FSTL5: variants seen among roughly 807,000 people sequenced by gnomAD.
FSTL5 encodes the protein follistatin-related protein 5.
In FSTL5, 62 loss-of-function variants were observed where a neutral mutation model predicts 89.1. That is an observed-to-expected ratio of 0.70 (90% CI 0.57 to 0.86). The LOEUF (loss-of-function observed/expected upper bound fraction) is 0.86. Among genes scored for constraint, FSTL5 ranks in the 40% least tolerant of loss-of-function variants. FSTL5 has a pLI of 0.00. For missense variants in FSTL5, 1,057 were observed against 1,001.6 expected (o/e 1.06, Z -0.75); for synonymous variants, 383 against 346.2 (o/e 1.11, Z -1.18).
intron 4 of FSTL5, among the ~76,000 whole-genome samples, chr4:161,859,886 TAAC>T (rs897883698): frequency 6.6e-6 from 1 of 152,142 alleles, no homozygotes; most frequent in African/African-American, 2.4e-5. Flanking sequence ...GAAGATCAGA[TAAC>T]AATTAAATTA....
At chr4:161,733,512 G>C (rs995504244) in intron 6 of FSTL5, among the ~76,000 whole-genome samples, 1 of 151,860 alleles carries the variant, frequency 6.6e-6, no homozygotes, top group Non-Finnish European at 1.5e-5. Context: ...CACTATCAAA[G>C]CTTTTGTACT....
At chr4:161,411,170 A>G (rs549450810) in intron 15 of FSTL5, among the ~76,000 whole-genome samples, 1 of 152,302 alleles carries the variant, frequency 6.6e-6, no homozygotes, top group East Asian at 1.9e-4. Context: ...ACCAATATCA[A>G]CTTCTGAAAT....
intron 6 of FSTL5, among the ~76,000 whole-genome samples, chr4:161,685,243 T>A (rs1318507633): frequency 1.3e-5 from 2 of 152,132 alleles, no homozygotes; most frequent in African/African-American, 4.8e-5. Context: ...ACTTTTTTGG[T>A]CCATATGAAT....
At chr4:162,075,705 A>T (rs1382553573) in intron 2 of FSTL5, among the ~76,000 whole-genome samples, 1 of 151,806 alleles carries the variant, frequency 6.6e-6, no homozygotes, top group Non-Finnish European at 1.5e-5. Context: ...AGAAAGCTTA[A>T]TTTTTTCCTT....
chr4:161,749,110 G>A (rs1740304928), intron 6 of FSTL5, among the ~76,000 whole-genome samples: 1 of 152,138 alleles, frequency 6.6e-6, no homozygotes, highest in Non-Finnish European at 1.5e-5. Flanking sequence ...ATGGAAAGCA[G>A]TATGGAGATA....
intron 3 of FSTL5, among the ~76,000 whole-genome samples, chr4:161,981,746 T>A (rs552092811): frequency 6.6e-6 from 1 of 152,334 alleles, no homozygotes; most frequent in African/African-American, 2.4e-5. Flanking sequence ...TTGCCTTCAA[T>A]TTAATATTTT....
At chr4:161,871,501 C>T (rs1732261326) in intron 4 of FSTL5, among the ~76,000 whole-genome samples, 1 of 152,048 alleles carries the variant, frequency 6.6e-6, no homozygotes, top group Admixed American at 6.6e-5. Context: ...ACCCGGCAAA[C>T]CAAATAGGTA....
chr4:161,688,699 G>A (rs999234355), intron 6 of FSTL5, among the ~76,000 whole-genome samples: 2 of 152,026 alleles, frequency 1.3e-5, no homozygotes, highest in Non-Finnish European at 2.9e-5. Flanking sequence ...TAGTTAATAT[G>A]TTTTTATGGA....
intron 15 of FSTL5, among the ~76,000 whole-genome samples, chr4:161,413,695 G>A (rs1731676381): frequency 6.6e-6 from 1 of 152,092 alleles, no homozygotes; most frequent in African/African-American, 2.4e-5. Context: ...ATGATAGATT[G>A]GATAAATTAA....
chr4:161,994,894 C>T (rs1318782113), intron 3 of FSTL5, among the ~76,000 whole-genome samples: 1 of 152,096 alleles, frequency 6.6e-6, no homozygotes, highest in African/African-American at 2.4e-5. Context: ...TAATTAGATC[C>T]CATTTGTCAA....
At chr4:161,803,844 C>A (rs1729875565) in intron 4 of FSTL5, among the ~76,000 whole-genome samples, 1 of 152,002 alleles carries the variant, frequency 6.6e-6, no homozygotes, top group South Asian at 2.1e-4. Flanking sequence ...CACTGTGTCA[C>A]AAACAGGGCC....
At chr4:161,780,921 T>A (rs1233583351) in intron 4 of FSTL5, among the ~76,000 whole-genome samples, 1 of 152,170 alleles carries the variant, frequency 6.6e-6, no homozygotes. Flanking sequence ...ACCAATTCCC[T>A]TCAACACAAA....
chr4:162,126,826 T>G (rs1579048873), intron 1 of FSTL5, among the ~76,000 whole-genome samples: 1 of 152,274 alleles, frequency 6.6e-6, no homozygotes, highest in Non-Finnish European at 1.5e-5. Context: ...TACTTGGTGG[T>G]TGTGGGTGTG....
chr4:161,402,823 C>CTT (rs145198636), intron 15 of FSTL5, among the ~76,000 whole-genome samples: 8 of 141,040 alleles, frequency 5.7e-5, no homozygotes, highest in African/African-American at 7.8e-5. Flanking sequence ...CTTGCCAGAA[C>CTT]TTTTTTTTTT....
intron 6 of FSTL5, among the ~76,000 whole-genome samples, chr4:161,693,636 C>CTTTTTTTTT (rs5863476): frequency 9.5e-6 from 1 of 105,288 alleles, no homozygotes; most frequent in African/African-American, 3.7e-5. Flanking sequence ...TCTTGTAAAT[C>CTTTTTTTTT]TTTTTTTTTT....
intron 3 of FSTL5, among the ~76,000 whole-genome samples, chr4:161,992,904 G>C (rs376066310): frequency 1.6e-5 from 1 of 62,300 alleles, no homozygotes; most frequent in Non-Finnish European, 3.2e-5. Context: ...ATATGTGTGT[G>C]TATATATATA....
chr4:161,568,634 G>A (rs1369315343), intron 8 of FSTL5, among the ~76,000 whole-genome samples: 1 of 151,280 alleles, frequency 6.6e-6, no homozygotes, highest in Non-Finnish European at 1.5e-5. Flanking sequence ...TGTAGGAGCT[G>A]TCATTATTCA....
intron 6 of FSTL5, among the ~76,000 whole-genome samples, chr4:161,676,071 T>G (rs1303578584): frequency 6.6e-6 from 1 of 152,104 alleles, no homozygotes; most frequent in Non-Finnish European, 1.5e-5. Flanking sequence ...AATGTTAGTT[T>G]CATCATCTGG....
intron 3 of FSTL5, among the ~76,000 whole-genome samples, chr4:161,925,471 T>C (rs62331208): frequency 0.051 from 7,817 of 151,958 alleles, 297 homozygotes; most frequent in Non-Finnish European, 0.073. Context: ...TTTGACTACA[T>C]GTATGATTTT....
Sources: gnomAD v4.1 joint callset for allele counts (sites outside exome capture counted in the v4.1 genomes callset) on GRCh38, gnomAD v4.1.1 for gene constraint, MANE v1.5 for transcripts, NCBI Gene and HGNC (gene_info 2026-07-23, HGNC 2026-07-21) for gene names.